Variants in UXT observed in about 807,000 individuals in gnomAD.
UXT encodes the protein protein UXT.
For missense variants in UXT, 111 were observed against 132.7 expected (o/e 0.84, Z 0.80); for synonymous variants, 54 against 52.8 (o/e 1.02, Z -0.10).
chrX:47,658,682 G>A, intron 1 of UXT, 148 bp downstream of exon 2: 1 of 837,795 alleles, frequency 1.2e-6, no homozygotes, highest in African/African-American at 2.1e-5. Context: ...ACTGCACCCC[G>A]GATGTCGTCC....
Position 47,658,952 on chromosome X carries a change from G to A in UXT, c.12C>T (p.Pro4=), listed in dbSNP as rs754203201. 1.2e-5 allele frequency: 15 copies of A among 1,209,036 alleles called. No homozygotes were observed. The South Asian group carries it at 2.3e-4, about 18-fold the overall frequency. ...TGATGGGCTCCTGGGGAGTGGGGAG[G>A]GGGAAGACCATGTTGACCGATCCAG... The change falls in exon 1 of 6, where the codon CCC becomes CCT. Residue 4 remains proline (P), a synonymous_variant. Transcript: ENST00000335890.
Sources: allele counts gnomAD v4.1 joint callset, GRCh38; gene constraint gnomAD v4.1.1; transcripts MANE v1.5; gene names NCBI Gene and HGNC (gene_info 2026-07-23, HGNC 2026-07-21).